RNFT2: variants seen among roughly 807,000 people sequenced by gnomAD.
RNFT2 encodes the protein ring finger protein, transmembrane 2.
A neutral mutation model predicts 53.0 loss-of-function variants in RNFT2; 36 were observed. The observed-to-expected ratio is 0.68, with a 90% CI of 0.52 to 0.90. RNFT2 has a LOEUF of 0.90. Among genes scored for constraint, RNFT2 ranks in the 40% least tolerant of loss-of-function variants. RNFT2 has a pLI of 0.00. For synonymous variants in RNFT2, 260 were observed against 253.2 expected (o/e 1.03, Z -0.26); for missense variants, 514 against 585.6 (o/e 0.88, Z 1.26).
In RNFT2 at chr12:116,799,751, C is replaced by T. The variant is rs7297569; in HGVS notation, c.882+20403C>T. Among the ~76,000 whole-genome samples, 578 of 151,846 alleles carry T rather than the reference C, an allele frequency of 3.8e-3. 4 individuals are homozygous for T. The highest frequency in any genetic ancestry group is 0.013 in the African/African-American group (549 of 41,398). On this transcript the variant is annotated intron_variant, in intron 7 of 10. Transcript: ENST00000257575. ...GTGGGCAGATCACCTGAGGTCACCTCGTGTCTACTAAAAATATGTACCTGT... is the reference window on the plus strand; with the variant it reads ...GTGGGCAGATCACCTGAGGTCACCTTGTGTCTACTAAAAATATGTACCTGT...
rs1188406651 is a variant in RNFT2, at chr12:116,806,380, AAATAT to A, written c.882+27034_882+27038del. Among the ~76,000 whole-genome samples, 1,063 of 131,230 alleles carry A rather than the reference AAATAT, an allele frequency of 8.1e-3. 13 individuals are homozygous for A. Among genetic ancestry groups the A allele is most frequent in the African/African-American group, 0.028 (854 of 30,972 alleles). 86.1% of individuals were successfully genotyped at this position (131,230 alleles called of 152,430 possible). A position where few individuals can be genotyped will look rare whatever the true frequency, so the allele number is the denominator to read the frequency against. ...GTGAGACTGTCTCAAAAAAAAAAAAAAATATATATATATATATATAGATAGATAGA... is the reference window on the plus strand; with the variant it reads ...GTGAGACTGTCTCAAAAAAAAAAAAAATATATATATATATAGATAGATAGA... On this transcript the variant is annotated intron_variant, in intron 7 of 10. Coordinates refer to ENST00000257575, the MANE Select transcript of RNFT2 (RefSeq NM_001382266.1).
intron 7 of RNFT2, among the ~76,000 whole-genome samples, chr12:116,813,472 G>C (rs1249100156): frequency 6.6e-6 from 1 of 152,092 alleles, no homozygotes; most frequent in Non-Finnish European, 1.5e-5. Flanking sequence ...TCACCCTCAG[G>C]TGTTTAGATA....
chr12:116,806,397 T>TAG (rs61274161), intron 7 of RNFT2, among the ~76,000 whole-genome samples: 30,665 of 131,330 alleles, frequency 0.23, 4,237 homozygotes, highest in Non-Finnish European at 0.29. Flanking sequence ...TATATATATA[T>TAG]ATAGATAGAT....
At chr12:116,743,834 C>A (rs1463394470) in intron 3 of RNFT2, among the ~76,000 whole-genome samples, 1 of 152,120 alleles carries the variant, frequency 6.6e-6, no homozygotes, top group East Asian at 1.9e-4. Flanking sequence ...CTCAGCCAAA[C>A]CCCAGCTCAG....
chr12:116,747,671 C>G (rs1381585611), intron 3 of RNFT2, among the ~76,000 whole-genome samples: 1 of 152,104 alleles, frequency 6.6e-6, no homozygotes. Flanking sequence ...TACTGTGTGC[C>G]CTGGGTTGTG....
intron 5 of RNFT2, among the ~76,000 whole-genome samples, chr12:116,763,794 C>T (rs189377766): frequency 3.7e-5 from 5 of 135,760 alleles, no homozygotes; most frequent in African/African-American, 1.4e-4. Flanking sequence ...AAAAAGGGGG[C>T]GGGGGGGGAA....
At chr12:116,770,937 G>A (rs74960353) in intron 6 of RNFT2, among the ~76,000 whole-genome samples, 1,789 of 152,134 alleles carry the variant, frequency 0.012, 45 homozygotes, top group African/African-American at 0.04. Context: ...TAAAACAGAG[G>A]TTGGCAGACT....
intron 5 of RNFT2, among the ~76,000 whole-genome samples, chr12:116,763,830 G>A (rs985736119): frequency 1.3e-5 from 2 of 151,596 alleles, no homozygotes; most frequent in Non-Finnish European, 2.9e-5. Flanking sequence ...ACTACCATTT[G>A]ATCCAGCAAT....
chr12:116,762,031 C>A (rs1404370199), intron 5 of RNFT2, among the ~76,000 whole-genome samples: 3 of 150,858 alleles, frequency 2.0e-5, no homozygotes, highest in Admixed American at 6.6e-5. Context: ...CACACCACCA[C>A]CCTCCAACCC....
chr12:116,743,213 T>TAAAAAAAAAAAAACAAAAAAAAAAAAA (rs1871706762), intron 3 of RNFT2, among the ~76,000 whole-genome samples: 1 of 10,678 alleles, frequency 9.4e-5, no homozygotes, highest in Non-Finnish European at 1.7e-4. Flanking sequence ...AGGTAGAATC[T>TAAAAAAAAAAAAACAAAAAAAAAAAAA]AAAAAAAAAA....
rs78327083 is a variant in RNFT2, at chr12:116,809,395, G to C, written c.883-24397G>C. On this transcript the variant is annotated intron_variant, in intron 7 of 10. Transcript: ENST00000257575. ...GCAACTCCTTCATGTGGCCTGGGGGGTCCAGCGCTTCTTTGAAGTCCGAGA... is the reference window on the plus strand; with the variant it reads ...GCAACTCCTTCATGTGGCCTGGGGGCTCCAGCGCTTCTTTGAAGTCCGAGA... Among the ~76,000 whole-genome samples, 592 of 152,258 alleles carry C rather than the reference G, an allele frequency of 3.9e-3. 1 individual carries two copies. The highest frequency in any genetic ancestry group is 6.1e-3 in the Non-Finnish European group (413 of 68,008).
intron 10 of RNFT2, among the ~76,000 whole-genome samples, chr12:116,840,804 G>A (rs1296429376): frequency 6.6e-6 from 1 of 152,108 alleles, no homozygotes; most frequent in Non-Finnish European, 1.5e-5. Context: ...GGCTGTATAT[G>A]GGTTTTGAAA....
At chr12:116,754,369 C>T (rs1872401374) in intron 5 of RNFT2, among the ~76,000 whole-genome samples, 2 of 152,130 alleles carry the variant, frequency 1.3e-5, no homozygotes, top group South Asian at 4.1e-4. Context: ...ACCACAATTT[C>T]TTTATACACC....
chr12:116,793,470 G>C (rs1183403107), intron 7 of RNFT2, among the ~76,000 whole-genome samples: 1 of 152,102 alleles, frequency 6.6e-6, no homozygotes, highest in Non-Finnish European at 1.5e-5. Flanking sequence ...TTACAGGCGT[G>C]AGCCACTGTG....
intron 5 of RNFT2, among the ~76,000 whole-genome samples, chr12:116,766,361 T>C (rs772000489): frequency 6.6e-6 from 1 of 152,220 alleles, no homozygotes; most frequent in Non-Finnish European, 1.5e-5. Flanking sequence ...TTGAGGTTTC[T>C]TAACCTCTCT....
At chr12:116,797,772 A>T (rs897524897) in intron 7 of RNFT2, among the ~76,000 whole-genome samples, 1 of 152,226 alleles carries the variant, frequency 6.6e-6, no homozygotes, top group Non-Finnish European at 1.5e-5. Context: ...GGCAGAGAGT[A>T]GCACCTCAGG....
At chr12:116,763,121 G>T (rs1169662378) in intron 5 of RNFT2, among the ~76,000 whole-genome samples, 1 of 151,846 alleles carries the variant, frequency 6.6e-6, no homozygotes, top group African/African-American at 2.4e-5. Flanking sequence ...TTAGCATGGT[G>T]CCTGGCATGT....
chr12:116,800,131 C>A (rs1182613923), intron 7 of RNFT2, among the ~76,000 whole-genome samples: 1 of 152,174 alleles, frequency 6.6e-6, no homozygotes, highest in African/African-American at 2.4e-5. Context: ...AGAGGCCGAG[C>A]ATATGCAGGT....
At chr12:116,805,121 C>CTTTT (rs35830752) in intron 7 of RNFT2, among the ~76,000 whole-genome samples, 12 of 143,358 alleles carry the variant, frequency 8.4e-5, no homozygotes, top group South Asian at 2.2e-4. Context: ...AAGACATTGT[C>CTTTT]TTTTTTTTTT....
Sources: gnomAD v4.1 joint callset for allele counts (sites outside exome capture counted in the v4.1 genomes callset) on GRCh38, gnomAD v4.1.1 for gene constraint, MANE v1.5 for transcripts, NCBI Gene and HGNC (gene_info 2026-07-23, HGNC 2026-07-21) for gene names.